FCRL5: variants seen among roughly 807,000 people sequenced by gnomAD.
FCRL5 encodes Fc receptor like 5.
FCRL5 carries 79 observed loss-of-function variants against 92.1 expected under a neutral mutation model. The observed-to-expected ratio is 0.86, with a 90% CI of 0.72 to 1.03. FCRL5 has a LOEUF of 1.03. Ranked by LOEUF, FCRL5 falls within the 50% of genes least tolerant of loss-of-function variation. The probability of loss-of-function intolerance (pLI) is 0.00; values close to 1 mark genes in which losing one functional copy is unlikely to be tolerated. For synonymous variants in FCRL5, 466 were observed against 469.3 expected, an observed-to-expected ratio of 0.99 and a Z score of 0.09; for missense variants, 1,160 against 1,181.1, an observed-to-expected ratio of 0.98 and a Z score of 0.26.
At chr1:157,536,138 C>T (rs11264752) in intron 7 of FCRL5, among the ~76,000 whole-genome samples, 109,629 of 151,576 alleles carry the variant, frequency 0.72, 42,735 homozygotes, top group South Asian at 0.86. Context: ...CACAGGATTT[C>T]ACTATGTTGG....
intron 8 of FCRL5, chr1:157,532,824 C>A (rs1650759705): frequency 6.6e-6 from 1 of 152,104 alleles, no homozygotes; most frequent in Admixed American, 6.5e-5. Flanking sequence ...GGTTGAGAGC[C>A]AGTCATAATG....
intron 15 of FCRL5, 112 bp from the exon 16 acceptor site, chr1:157,515,985 C>G (rs11800422): frequency 4.4e-6 from 5 of 1,147,536 alleles, no homozygotes; most frequent in Non-Finnish European, 6.5e-6. Flanking sequence ...TCCCTCTGTG[C>G]GGTGAGTAGC....
At chr1:157,549,419 A>C in intron 2 of FCRL5, 141 bp downstream of exon 2, 1 of 762,598 alleles carries the variant, frequency 1.3e-6, no homozygotes, top group Non-Finnish European at 2.1e-6. Flanking sequence ...CATGTACCCT[A>C]AAACTTAAAG....
intron 5 of FCRL5, 33 bp downstream of exon 5, chr1:157,544,229 C>G: frequency 1.2e-6 from 2 of 1,608,610 alleles, no homozygotes; most frequent in Non-Finnish European, 1.7e-6. Context: ...CCAGCCCTCT[C>G]TGCAGCAAAT....
intron 1 of FCRL5, among the ~76,000 whole-genome samples, chr1:157,550,295 T>C (rs1651757602): frequency 6.6e-6 from 1 of 152,106 alleles, no homozygotes. Context: ...TTTCAGACTT[T>C]GATGGAGCAC....
chr1:157,547,403 A>T, intron 2 of FCRL5: 1 of 757,812 alleles, frequency 1.3e-6, no homozygotes, highest in Middle Eastern at 2.3e-4. Context: ...GCAATGAGCA[A>T]AATGATTTCA....
At chr1:157,516,621 C>G (rs1054249553) in intron 15 of FCRL5, among the ~76,000 whole-genome samples, 1 of 152,126 alleles carries the variant, frequency 6.6e-6, no homozygotes, top group African/African-American at 2.4e-5. Flanking sequence ...ACTTATAGAA[C>G]TATACCCAGC....
intron 12 of FCRL5, 83 bp from the exon 13 acceptor site, chr1:157,519,853 A>C (rs972857629): frequency 2.6e-5 from 37 of 1,422,768 alleles, no homozygotes; most frequent in Non-Finnish European, 3.5e-5. Context: ...TCACTTAGAA[A>C]CTGCCAGGAG....
intron 8 of FCRL5, chr1:157,534,161 C>A: frequency 2.6e-6 from 1 of 387,166 alleles, no homozygotes; most frequent in Admixed American, 3.5e-5. Flanking sequence ...GAGTTGGTTC[C>A]TAGGGAGCCA....
chr1:157,528,766 GA>G (rs1360651852), intron 8 of FCRL5: 2 of 152,168 alleles, frequency 1.3e-5, no homozygotes, highest in South Asian at 4.1e-4. Flanking sequence ...ACATGTAGAA[GA>G]ATGAAACTGG....
intron 9 of FCRL5, among the ~76,000 whole-genome samples, chr1:157,526,267 A>G (rs1285130540): frequency 6.6e-6 from 1 of 152,210 alleles, no homozygotes; most frequent in Non-Finnish European, 1.5e-5. Flanking sequence ...AAAAATGGCC[A>G]TTGGATTTAA....
intron 6 of FCRL5, 88 bp downstream of exon 6, chr1:157,542,771 A>T (rs1462595910): frequency 7.0e-7 from 1 of 1,429,606 alleles, no homozygotes; most frequent in Non-Finnish European, 9.5e-7. Context: ...AACTGAGGAT[A>T]CTGGAAGGTA....
chr1:157,549,519 T>C, intron 2 of FCRL5, 41 bp downstream of exon 2: 1 of 1,595,240 alleles, frequency 6.3e-7, no homozygotes, highest in Non-Finnish European at 8.6e-7. Context: ...AGAGACACTC[T>C]TAACCAGAGA....
At chr1:157,521,495 AT>A in intron 10 of FCRL5, 1 of 549,542 alleles carries the variant, frequency 1.8e-6, no homozygotes, top group Non-Finnish European at 3.0e-6. Context: ...AAGTGTATAA[AT>A]CACTGAAAAC....
At chr1:157,517,142 G>A (rs535374555) in intron 15 of FCRL5, among the ~76,000 whole-genome samples, 5 of 152,358 alleles carry the variant, frequency 3.3e-5, no homozygotes, top group South Asian at 2.1e-4. Flanking sequence ...CGAGTAAGGA[G>A]GCAGCCGGGC....
chr1:157,550,443 T>C (rs1405014764), intron 1 of FCRL5, among the ~76,000 whole-genome samples: 1 of 152,176 alleles, frequency 6.6e-6, no homozygotes, highest in Non-Finnish European at 1.5e-5. Context: ...GATCATTGAA[T>C]CCAAGGGCTC....
intron 3 of FCRL5, 30 bp downstream of exon 3, chr1:157,546,913 A>C (rs762594329): frequency 6.2e-7 from 1 of 1,600,726 alleles, no homozygotes; most frequent in Admixed American, 1.7e-5. Flanking sequence ...ATTGATTTCT[A>C]AAGTTGGTGC....
At chr1:157,549,452 A>C in intron 2 of FCRL5, 108 bp downstream of exon 2, 1 of 1,022,224 alleles carries the variant, frequency 9.8e-7, no homozygotes, top group Non-Finnish European at 1.5e-6. Flanking sequence ...AAGGAAAGAA[A>C]ACAGGAGATA....
At chr1:157,540,431 C>T (rs902296563) in intron 6 of FCRL5, among the ~76,000 whole-genome samples, 6 of 152,128 alleles carry the variant, frequency 3.9e-5, no homozygotes, top group African/African-American at 9.7e-5. Context: ...GTCTTTTCAT[C>T]CTGTGCTCAC....
Sources: allele counts gnomAD v4.1 joint callset (sites outside exome capture counted in the v4.1 genomes callset), GRCh38; gene constraint gnomAD v4.1.1; transcripts MANE v1.5; gene names NCBI Gene and HGNC (gene_info 2026-07-23, HGNC 2026-07-21).